Variants in CGNL1 observed in about 807,000 individuals in gnomAD.
The protein encoded by CGNL1 is cingulin-like protein 1.
A neutral mutation model predicts 141.2 loss-of-function variants in CGNL1; 132 were observed. The ratio of observed to expected loss-of-function variants is 0.93; its 90% CI spans 0.81 to 1.08. CGNL1 has a LOEUF of 1.08. Ranked by LOEUF, CGNL1 falls within the 50% of genes least tolerant of loss-of-function variation. CGNL1 has a pLI of 0.00. For synonymous variants in CGNL1, 690 were observed against 622.1 expected (o/e 1.11, Z -1.63); for missense variants, 1,870 against 1,588.6 (o/e 1.18, Z -3.01).
At chr15:57,452,965 T>C (rs2063339039) in intron 6 of CGNL1, among the ~76,000 whole-genome samples, 1 of 152,170 alleles carries the variant, frequency 6.6e-6, no homozygotes, top group Non-Finnish European at 1.5e-5. Flanking sequence ...TGGTGGTGTT[T>C]TGCGTTTAAA....
At position 57,438,016 on chromosome 15, in the gene CGNL1, G is replaced by T; in HGVS notation, c.17G>T (p.Gly6Val). ...CAGTGAACCATGGAGCTGTATTTCG[G>T]TGAATATCAACATGTGCAGCAGGAA... MELYF[G>V]EYQHVQQEYG... The change falls in exon 2 of 19, where the codon GGT becomes GTT. Residue 6 changes from glycine to valine, a missense_variant. Coordinates refer to ENST00000281282, the MANE Select transcript of CGNL1 (RefSeq NM_032866.5). The T allele has an allele frequency of 6.2e-7, 1 of 1,612,168 alleles. No homozygotes were observed.
chr15:57,466,936 A>G (rs542238750), intron 8 of CGNL1, among the ~76,000 whole-genome samples: 1 of 152,174 alleles, frequency 6.6e-6, no homozygotes, highest in Non-Finnish European at 1.5e-5. Context: ...GCCATTAGGC[A>G]CTTTCAGAGT....
intron 1 of CGNL1, among the ~76,000 whole-genome samples, chr15:57,414,959 T>G (rs1253397880): frequency 6.6e-6 from 1 of 152,126 alleles, no homozygotes; most frequent in African/African-American, 2.4e-5. Context: ...ATTCCACCAC[T>G]TAGTGGGTTG....
intron 8 of CGNL1, among the ~76,000 whole-genome samples, chr15:57,512,178 G>C (rs1458729681): frequency 6.6e-6 from 1 of 152,178 alleles, no homozygotes; most frequent in Non-Finnish European, 1.5e-5. Flanking sequence ...TCAGAGTTGG[G>C]AGAACTTTGA....
At chr15:57,468,199 CCTTTTTTTCTTT>C (rs1410013964) in intron 8 of CGNL1, among the ~76,000 whole-genome samples, 2 of 150,034 alleles carry the variant, frequency 1.3e-5, no homozygotes, top group African/African-American at 2.5e-5. Flanking sequence ...GTTTTTTCTT[CCTTTTTTTCTTT>C]CTTTTTCTTT....
intron 1 of CGNL1, among the ~76,000 whole-genome samples, chr15:57,418,907 C>T (rs1292634981): frequency 1.4e-5 from 2 of 147,586 alleles, no homozygotes; most frequent in Admixed American, 6.9e-5. Context: ...ACACTGACTG[C>T]GTCAGTGGGT....
At chr15:57,460,746 C>T (rs1357212106) in intron 7 of CGNL1, among the ~76,000 whole-genome samples, 3 of 151,322 alleles carry the variant, frequency 2.0e-5, no homozygotes, top group African/African-American at 7.4e-5. Context: ...CCCACAGTGT[C>T]CCCCCCTTGA....
In CGNL1 at chr15:57,461,899, G is replaced by GAT. The variant is rs1240834887; in HGVS notation, c.2403+8_2403+9dup. Reference sequence around the variant, plus strand: ...TGTGGAAGAAGCAACCAAGGTGAGGGATGGGGCAGGAGAATCTGGCTTGTG... The same window carrying GAT: ...TGTGGAAGAAGCAACCAAGGTGAGGGATATGGGGCAGGAGAATCTGGCTTGTG... On this transcript the variant is annotated splice_region_variant and intron_variant, in intron 8 of 18. Coordinates refer to ENST00000281282, the MANE Select transcript of CGNL1 (RefSeq NM_032866.5). 8 of 1,610,372 alleles carry GAT rather than the reference G, an allele frequency of 5.0e-6. No individual in the cohort carries two copies. Among genetic ancestry groups the GAT allele is most frequent in the Non-Finnish European group, 6.8e-6 (8 of 1,177,108 alleles).
intron 1 of CGNL1, among the ~76,000 whole-genome samples, chr15:57,434,125 C>T (rs2152299832): frequency 6.6e-6 from 1 of 152,242 alleles, no homozygotes; most frequent in African/African-American, 2.4e-5. Context: ...GGTGTTGTTG[C>T]AGAAAGCAGA....
At chr15:57,499,388 C>A (rs1328371444) in intron 8 of CGNL1, among the ~76,000 whole-genome samples, 2 of 151,854 alleles carry the variant, frequency 1.3e-5, no homozygotes, top group African/African-American at 4.8e-5. Context: ...CATGCTTGTG[C>A]CACCACACCT....
intron 1 of CGNL1, among the ~76,000 whole-genome samples, chr15:57,394,845 C>T (rs2062585299): frequency 6.6e-6 from 1 of 152,212 alleles, no homozygotes; most frequent in South Asian, 2.1e-4. Flanking sequence ...GGCGCAGTGG[C>T]TCATGCCTGT....
At chr15:57,403,947 G>A (rs1288147732) in intron 1 of CGNL1, among the ~76,000 whole-genome samples, 1 of 152,166 alleles carries the variant, frequency 6.6e-6, no homozygotes, top group East Asian at 1.9e-4. Flanking sequence ...AGAGGAAAGG[G>A]GCCTCCCATA....
intron 12 of CGNL1, among the ~76,000 whole-genome samples, chr15:57,525,476 T>C (rs2140144940): frequency 6.6e-6 from 1 of 152,354 alleles, no homozygotes; most frequent in South Asian, 2.1e-4. Context: ...TCTGAGCATA[T>C]GTTTCTACCT....
chr15:57,447,828 G>A (rs1245048736), intron 4 of CGNL1, among the ~76,000 whole-genome samples: 1 of 151,612 alleles, frequency 6.6e-6, no homozygotes, highest in African/African-American at 2.4e-5. Context: ...GTGTGTGTGT[G>A]TGTGTGTGTG....
chr15:57,376,973 C>G (rs1381479588), intron 1 of CGNL1: 2 of 152,206 alleles, frequency 1.3e-5, no homozygotes, highest in East Asian at 1.9e-4. Flanking sequence ...CTGTCGTACA[C>G]AAGTCCTCGG....
chr15:57,501,137 G>T (rs1308017047), intron 8 of CGNL1, among the ~76,000 whole-genome samples: 1 of 152,156 alleles, frequency 6.6e-6, no homozygotes, highest in African/African-American at 2.4e-5. Flanking sequence ...CAGGTGCTGG[G>T]CTGGGCACAG....
At chr15:57,478,892 G>T (rs578148693) in intron 8 of CGNL1, among the ~76,000 whole-genome samples, 27 of 152,266 alleles carry the variant, frequency 1.8e-4, no homozygotes, top group African/African-American at 5.3e-4. Context: ...TCCCACCTCT[G>T]CCTCCCAAAG....
At chr15:57,485,660 A>G (rs1350501385) in intron 8 of CGNL1, among the ~76,000 whole-genome samples, 12 of 152,242 alleles carry the variant, frequency 7.9e-5, no homozygotes, top group Admixed American at 2.6e-4. Flanking sequence ...TAGTTGCTTT[A>G]GTAAAAACAA....
intron 1 of CGNL1, among the ~76,000 whole-genome samples, chr15:57,387,574 A>G (rs1300467291): frequency 6.6e-6 from 1 of 152,128 alleles, no homozygotes; most frequent in African/African-American, 2.4e-5. Context: ...AGGGGCCCTG[A>G]GTGGTGCTTC....
Sources: gnomAD v4.1 joint callset for allele counts (sites outside exome capture counted in the v4.1 genomes callset) on GRCh38, gnomAD v4.1.1 for gene constraint, MANE v1.5 for transcripts, NCBI Gene and HGNC (gene_info 2026-07-23, HGNC 2026-07-21) for gene names.